The following STON2 variants were observed in gnomAD, a reference collection of about 807,000 sequenced individuals.
STON2 encodes stonin-2.
A neutral mutation model predicts 65.7 loss-of-function variants in STON2; 29 were observed. That is an observed-to-expected ratio of 0.44 (90% CI 0.33 to 0.60). The LOEUF (loss-of-function observed/expected upper bound fraction) is 0.60. Ranked by LOEUF, STON2 falls within the 20% of genes least tolerant of loss-of-function variation. The probability of loss-of-function intolerance (pLI) is 0.03; values close to 1 mark genes in which losing one functional copy is unlikely to be tolerated. For synonymous variants in STON2, 404 were observed against 414.2 expected (o/e 0.98, Z 0.30); for missense variants, 1,054 against 1,118.1 (o/e 0.94, Z 0.82).
chr14:81,308,818 A>G (rs1329231759), intron 5 of STON2, among the ~76,000 whole-genome samples: 18 of 10,818 alleles, frequency 1.7e-3, no homozygotes, highest in African/African-American at 7.9e-3. Context: ...ATATATATAT[A>G]TATATATGTG....
chr14:81,326,004 T>C (rs552976937), intron 4 of STON2, among the ~76,000 whole-genome samples: 4 of 152,206 alleles, frequency 2.6e-5, no homozygotes, highest in East Asian at 3.9e-4. Context: ...AATGTATTAA[T>C]TGAATAAAGC....
intron 4 of STON2, among the ~76,000 whole-genome samples, chr14:81,358,576 T>A (rs12101091): frequency 0.21 from 31,822 of 151,950 alleles, 4,131 homozygotes; most frequent in African/African-American, 0.34. Flanking sequence ...GTAAATTGAT[T>A]AAATTACTCA....
intron 2 of STON2, among the ~76,000 whole-genome samples, chr14:81,417,881 T>A (rs3900587): frequency 6.6e-6 from 1 of 151,718 alleles, no homozygotes; most frequent in African/African-American, 2.4e-5. Flanking sequence ...GAGAGAGAGA[T>A]AGAAAAACCA....
intron 3 of STON2, among the ~76,000 whole-genome samples, chr14:81,372,492 T>G (rs1322781619): frequency 6.7e-6 from 1 of 149,734 alleles, no homozygotes; most frequent in Non-Finnish European, 1.5e-5. Flanking sequence ...GAGGCGGGTG[T>G]CGCAGTGAGA....
chr14:81,318,645 G>C (rs1247063536), intron 5 of STON2, among the ~76,000 whole-genome samples: 1 of 152,180 alleles, frequency 6.6e-6, no homozygotes, highest in Non-Finnish European at 1.5e-5. Context: ...GAGGTCAGGA[G>C]TTTGAGACCA....
At chr14:81,330,230 T>C (rs908284817) in intron 4 of STON2, among the ~76,000 whole-genome samples, 1 of 152,174 alleles carries the variant, frequency 6.6e-6, no homozygotes, top group African/African-American at 2.4e-5. Flanking sequence ...AATGCAATAA[T>C]GCAGTGGAGA....
In STON2 at chr14:81,261,034, G is replaced by A. The variant is rs1221569143; in HGVS notation, c.*7380C>T. ...AAACACTGATTTTGATTAATCTCTT[G>A]AATACGGTAGTTTTCTCCAGGTTCT... On this transcript the variant is annotated 3_prime_UTR_variant, in exon 8 of 8. Coordinates refer to ENST00000614646, the MANE Select transcript of STON2 (RefSeq NM_001394390.1). 1.3e-5 allele frequency: 2 copies of A among 152,136 alleles called. No individual in the cohort carries two copies. Among genetic ancestry groups the A allele is most frequent in the Non-Finnish European group, 2.9e-5 (2 of 68,028 alleles). The allele number at this position is 152,136 out of a possible 1,614,324, so 9.4% of individuals were successfully genotyped here.
intron 5 of STON2, among the ~76,000 whole-genome samples, chr14:81,318,265 G>A (rs753567640): frequency 6.6e-6 from 1 of 152,030 alleles, no homozygotes; most frequent in Non-Finnish European, 1.5e-5. Flanking sequence ...CACAAGGCAG[G>A]AGTTTCTTTC....
intron 5 of STON2, among the ~76,000 whole-genome samples, chr14:81,307,098 T>C (rs1896213078): frequency 6.6e-6 from 1 of 152,218 alleles, no homozygotes; most frequent in East Asian, 1.9e-4. Flanking sequence ...ATCTCAGTGA[T>C]CACTCCCTTA....
chr14:81,409,523 T>C (rs1901049721), intron 2 of STON2, among the ~76,000 whole-genome samples: 1 of 152,050 alleles, frequency 6.6e-6, no homozygotes, highest in Non-Finnish European at 1.5e-5. Context: ...TACCAAAAAT[T>C]ACAATTAGTA....
At chr14:81,384,893 T>C (rs963325843) in intron 3 of STON2, among the ~76,000 whole-genome samples, 1 of 152,136 alleles carries the variant, frequency 6.6e-6, no homozygotes, top group Non-Finnish European at 1.5e-5. Flanking sequence ...GCACAGAAAA[T>C]AGATCTAACT....
intron 3 of STON2, among the ~76,000 whole-genome samples, chr14:81,389,418 A>C (rs1296436068): frequency 6.6e-6 from 1 of 152,258 alleles, no homozygotes; most frequent in Admixed American, 6.5e-5. Flanking sequence ...CATGCTAAAA[A>C]GAGTTTGCTC....
At position 81,261,189 on chromosome 14, in the gene STON2, C is replaced by CAA. The variant is rs1409686347; in HGVS notation, c.*7224_*7225insTT. The CAA allele has an allele frequency of 2.6e-5, 4 of 152,216 alleles. No individual in the cohort carries two copies. Among genetic ancestry groups the CAA allele is most frequent in the African/African-American group, 9.7e-5 (4 of 41,440 alleles). 9.4% of individuals were successfully genotyped at this position (152,216 alleles called of 1,614,324 possible). A position where few individuals can be genotyped will look rare whatever the true frequency, so the allele number is the denominator to read the frequency against. ...AATTTGCTGTTGGGACCTGACTATACATCTGCTTTCCCACAATGCTCTGGT... is the reference window on the plus strand; with the variant it reads ...AATTTGCTGTTGGGACCTGACTATACAAATCTGCTTTCCCACAATGCTCTGGT... On this transcript the variant is annotated 3_prime_UTR_variant, in exon 8 of 8. Transcript: ENST00000614646.
chr14:81,346,980 T>G (rs1317749205), intron 4 of STON2, among the ~76,000 whole-genome samples: 1 of 151,872 alleles, frequency 6.6e-6, no homozygotes, highest in African/African-American at 2.4e-5. Context: ...AAATAAATAA[T>G]TAACAATGCA....
rs189890473 is a variant in STON2, at chr14:81,295,201, T to A, written c.743-16462A>T. Reference sequence around the variant, plus strand: ...TTAGCCGGCTGTGGTGGCGGGCACCTGTAGTCCCAGCTACTCTGGAGGCTG... The same window carrying A: ...TTAGCCGGCTGTGGTGGCGGGCACCAGTAGTCCCAGCTACTCTGGAGGCTG... On this transcript the variant is annotated intron_variant, in intron 5 of 7. Transcript: ENST00000614646. 2.7e-3 allele frequency among the ~76,000 whole-genome samples: 414 copies of A among 152,284 alleles called. 1 individual carries two copies. Among genetic ancestry groups the A allele is most frequent in the African/African-American group, 9.4e-3 (391 of 41,554 alleles).
chr14:81,278,293 T>C lies in STON2; in HGVS notation c.1189A>G (p.Arg397Gly). The C allele has an allele frequency of 1.2e-6, 2 of 1,614,112 alleles. No individual in the cohort carries two copies. The highest frequency in any genetic ancestry group is 1.7e-6 in the Non-Finnish European group (2 of 1,180,006). Reference sequence around the variant, plus strand: ...GAAATGGAACTGTTTTGGGAGCGCCTCTCCTGCTCCTCAAAGAAAGCACTG... The same window carrying C: ...GAAATGGAACTGTTTTGGGAGCGCCCCTCCTGCTCCTCAAAGAAAGCACTG... ...PFSAFFEEQE[R>G]RSQNSSISST... Residue 397 changes from arginine (R) to glycine (G), a missense_variant, in exon 6 of 8, where the codon AGG becomes GGG. Arg to Gly is a moderately radical substitution (Grantham distance 125). Coordinates refer to ENST00000614646, the MANE Select transcript of STON2 (RefSeq NM_001394390.1).
rs1440160808 is a variant in STON2 at position 81,398,586 on chromosome 14, T to TAACA, written c.-198-10_-198-7dup. On this transcript the variant is annotated splice_polypyrimidine_tract_variant and splice_region_variant and intron_variant, in intron 1 of 7. Transcript: ENST00000614646. ...TTAATCTGCCAGGCAGAAATCTGTT[T>TAACA]AACAAACAAACAAACAAAAAATTAA... is the stretch of plus-strand genomic sequence containing the variant. 6.3e-6 allele frequency: 3 copies of TAACA among 476,174 alleles called. 1 individual carries two copies. Among genetic ancestry groups the TAACA allele is most frequent in the African/African-American group, 2.0e-5 (1 of 50,366 alleles). The allele number at this position is 476,174 out of a possible 1,614,324, so 29.5% of individuals were successfully genotyped here. A position where few individuals can be genotyped will look rare whatever the true frequency, so the allele number is the denominator to read the frequency against.
At chr14:81,427,845 T>G (rs1028027056) in intron 1 of STON2, among the ~76,000 whole-genome samples, 1 of 152,186 alleles carries the variant, frequency 6.6e-6, no homozygotes, top group Non-Finnish European at 1.5e-5. Context: ...AGTGCACAGA[T>G]AGCCCCTGTT....
chr14:81,375,252 T>C (rs543396860), intron 3 of STON2, among the ~76,000 whole-genome samples: 1 of 152,018 alleles, frequency 6.6e-6, no homozygotes, highest in Non-Finnish European at 1.5e-5. Flanking sequence ...TACTTAAAAA[T>C]AAACATAAAT....
Sources: allele counts gnomAD v4.1 joint callset (sites outside exome capture counted in the v4.1 genomes callset), GRCh38; gene constraint gnomAD v4.1.1; transcripts MANE v1.5; gene names NCBI Gene and HGNC (gene_info 2026-07-23, HGNC 2026-07-21).